Variants in CCDC47 observed in about 807,000 individuals in gnomAD.
CCDC47 encodes the protein PAT complex subunit CCDC47.
CCDC47 carries 41 observed loss-of-function variants against 60.5 expected under a neutral mutation model. The observed-to-expected ratio is 0.68, with a 90% CI of 0.53 to 0.88. The LOEUF (loss-of-function observed/expected upper bound fraction) is 0.88. Among genes scored for constraint, CCDC47 ranks in the 40% least tolerant of loss-of-function variants. CCDC47 has a pLI of 0.00. For synonymous variants in CCDC47, 195 were observed against 190.7 expected (o/e 1.02, Z -0.18); for missense variants, 513 against 580.9 (o/e 0.88, Z 1.20).
chr17:63,747,766 G>A (rs2039131520), intron 12 of CCDC47: 1 of 985,308 alleles, frequency 1.0e-6, no homozygotes, highest in Non-Finnish European at 1.2e-6. Flanking sequence ...GAAGTGCAAA[G>A]CATATATAGT....
intron 2 of CCDC47, 103 bp from the exon 3 acceptor site, chr17:63,764,950 A>G: frequency 1.3e-6 from 2 of 1,498,860 alleles, no homozygotes; most frequent in South Asian, 2.7e-5. Flanking sequence ...ACGTGTAAGC[A>G]GCAAGCACAG....
chr17:63,763,908 C>T, intron 4 of CCDC47, 108 bp downstream of exon 4: 1 of 682,144 alleles, frequency 1.5e-6, no homozygotes, highest in East Asian at 3.1e-5. Flanking sequence ...ACAATGCACC[C>T]TCTTTGGTAT....
At chr17:63,751,707 G>T in intron 12 of CCDC47, 1 of 582,260 alleles carries the variant, frequency 1.7e-6, no homozygotes, top group South Asian at 2.3e-5. Flanking sequence ...ATGAAATTGT[G>T]CTGGGGGAAC....
chr17:63,748,363 T>C (rs112152745), intron 12 of CCDC47, among the ~76,000 whole-genome samples: 140 of 152,120 alleles, frequency 9.2e-4, no homozygotes, highest in Non-Finnish European at 1.7e-3. Context: ...TCTACCTGCC[T>C]CGGCCTCCCA....
At chr17:63,752,909 G>C (rs2039178349) in intron 9 of CCDC47, 110 bp from the exon 10 acceptor site, 1 of 1,432,306 alleles carries the variant, frequency 7.0e-7, no homozygotes, top group African/African-American at 1.5e-5. Flanking sequence ...AATCAGCACA[G>C]TATTTGGCTT....
Position 63,756,483 on chromosome 17 carries a change from C to G in CCDC47, c.823G>C (p.Glu275Gln), listed in dbSNP as rs1259188598. Residue 275 changes from glutamate to glutamine, a missense_variant, in exon 7 of 13, where the codon GAG becomes CAG. Transcript: ENST00000225726. Reference sequence around the variant, plus strand: ...ACCTGACATACCAAATCCTGCATCTCTTTCTGTAGTCGCACCAAGGCTTTC... The same window carrying G: ...ACCTGACATACCAAATCCTGCATCTGTTTCTGTAGTCGCACCAAGGCTTTC... Reference protein sequence around the residue: ...TRKALVRLQKEMQDLSEFCSD... With the variant: ...TRKALVRLQKQMQDLSEFCSD... 6.2e-7 allele frequency: 1 copy of G among 1,613,752 alleles called. No homozygotes were observed. The highest frequency in any genetic ancestry group is 1.3e-5 in the African/African-American group (1 of 74,928).
chr17:63,752,095 CTTTT>C lies in CCDC47; in HGVS notation c.1212_1215del (p.Lys405GlnfsTer8). 1 of 1,613,290 alleles carries C rather than the reference CTTTT, an allele frequency of 6.2e-7. No individual in the cohort carries two copies. The highest frequency in any genetic ancestry group is 8.5e-7 in the Non-Finnish European group (1 of 1,179,742). ...TCTACTCGGGCACGGTTCTTATCTG[CTTTT>C]TGTTTGCCCTTCCCCAAGAAACAAA... On this transcript the variant is annotated frameshift_variant, in exon 12 of 13. Transcript: ENST00000225726. LOFTEE classifies it high-confidence loss of function.
At chr17:63,767,141 G>A (rs1258549047) in intron 1 of CCDC47, 1 of 155,292 alleles carries the variant, frequency 6.4e-6, no homozygotes, top group African/African-American at 2.4e-5. Flanking sequence ...GTGACAAAGA[G>A]CTGTGATTTA....
chr17:63,747,257 CT>C, intron 12 of CCDC47: 1 of 985,072 alleles, frequency 1.0e-6, no homozygotes, highest in Non-Finnish European at 1.2e-6. Flanking sequence ...TGATTTTTTT[CT>C]GTACCCAGGG....
intron 5 of CCDC47, 70 bp from the exon 6 acceptor site, chr17:63,761,049 G>A: frequency 2.8e-6 from 4 of 1,442,806 alleles, no homozygotes; most frequent in African/African-American, 1.4e-5. Flanking sequence ...AGGCCTTGAA[G>A]GAGAATCAAA....
At chr17:63,747,852 G>GTT in intron 12 of CCDC47, 2 of 933,664 alleles carry the variant, frequency 2.1e-6, no homozygotes, top group African/African-American at 3.6e-5. Context: ...ACTGTCTTAG[G>GTT]TTTTTTCTTT....
chr17:63,761,369 T>C lies in CCDC47; in HGVS notation c.548-18A>G. The stretch of plus-strand genomic sequence containing the variant: ...ATCATCCCCTAGGGGTAAAACCACT[T>C]AATGTGACTCAACAGAAAATGTCAA... On this transcript the variant is annotated intron_variant, in intron 4 of 12. Coordinates refer to ENST00000225726, the MANE Select transcript of CCDC47 (RefSeq NM_020198.3). 6.2e-7 allele frequency: 1 copy of C among 1,613,294 alleles called. No individual in the cohort carries two copies. The highest frequency in any genetic ancestry group is 8.5e-7 in the Non-Finnish European group (1 of 1,179,734).
intron 1 of CCDC47, among the ~76,000 whole-genome samples, chr17:63,768,943 C>T (rs2039315833): frequency 6.6e-6 from 1 of 151,764 alleles, no homozygotes; most frequent in Admixed American, 6.6e-5. Context: ...AAAAATTAGC[C>T]AGCGTGTGGC....
intron 1 of CCDC47, chr17:63,772,821 C>T (rs2039358839): frequency 6.6e-6 from 1 of 152,290 alleles, no homozygotes; most frequent in Admixed American, 6.5e-5. Flanking sequence ...TGTCAGTTCT[C>T]AAATGCACAA....
At chr17:63,751,367 A>AAAAAAAAAAAAAAAAAAAAAAC (rs2039163702) in intron 12 of CCDC47, among the ~76,000 whole-genome samples, 1 of 50,358 alleles carries the variant, frequency 2.0e-5, no homozygotes, top group Non-Finnish European at 3.7e-5. Flanking sequence ...CTCCATCTCA[A>AAAAAAAAAAAAAAAAAAAAAAC]AAAAAAAAAA....
At chr17:63,766,952 T>C (rs1196167527) in intron 1 of CCDC47, 2 of 982,884 alleles carry the variant, frequency 2.0e-6, no homozygotes, top group Non-Finnish European at 2.4e-6. Flanking sequence ...TGCATGAACA[T>C]AATTATCATA....
At position 63,751,994 on chromosome 17, in the gene CCDC47, T is replaced by C. The variant is rs1469691606; in HGVS notation, c.1317A>G (p.Ala439=). Reference sequence around the variant, plus strand: ...CCTCATTCATGATTCGCTCCTTCTCTGCTCTTTTTTTCTCCTCCCGCCGAG... The same window carrying C: ...CCTCATTCATGATTCGCTCCTTCTCCGCTCTTTTTTTCTCCTCCCGCCGAG... The part of the protein sequence containing the change: ...AQSRREEKKR[A]EKERIMNEED... The change falls in exon 12 of 13, where the codon GCA becomes GCG. Residue 439 remains alanine, a synonymous_variant. Coordinates refer to ENST00000225726, the MANE Select transcript of CCDC47 (RefSeq NM_020198.3). 2 of 1,613,776 alleles carry C rather than the reference T, an allele frequency of 1.2e-6. No individual in the cohort carries two copies. Among genetic ancestry groups the C allele is most frequent in the South Asian group, 1.1e-5 (1 of 91,084 alleles).
rs766090566 is a variant in CCDC47, at chr17:63,765,939, T to G, written c.237A>C (p.Glu79Asp). 6 of 1,613,382 alleles carry G rather than the reference T, an allele frequency of 3.7e-6. No individual in the cohort carries two copies. The East Asian group carries it at 1.3e-4, about 36-fold the overall frequency. ...GGGTATCTGCATCTTCAAAATCTCC[T>G]TCTTGGTTTTCATCCTGCCCTTCCA... ...VELEGQDENQ[E>D]GDFEDADTQE... The change falls in exon 2 of 13, where the codon GAA (glutamate) becomes GAC (aspartate). Residue 79 changes from glutamate to aspartate, a missense_variant. Transcript: ENST00000225726.
At chr17:63,765,796 G>C (rs183819880) in intron 2 of CCDC47, 116 bp downstream of exon 2, 3 of 1,348,016 alleles carry the variant, frequency 2.2e-6, no homozygotes, top group Non-Finnish European at 3.0e-6. Flanking sequence ...TCTACCTAGT[G>C]AATGAAAATG....
Sources: allele counts gnomAD v4.1 joint callset (sites outside exome capture counted in the v4.1 genomes callset), GRCh38; gene constraint gnomAD v4.1.1; transcripts MANE v1.5; gene names NCBI Gene and HGNC (gene_info 2026-07-23, HGNC 2026-07-21).